SLC38A11: variants seen among roughly 807,000 people sequenced by gnomAD.
The protein encoded by SLC38A11 is solute carrier family 38 member 11.
A neutral mutation model predicts 49.4 loss-of-function variants in SLC38A11; 51 were observed. The ratio of observed to expected loss-of-function variants is 1.03; its 90% CI spans 0.83 to 1.30. SLC38A11 has a LOEUF of 1.30. SLC38A11 is among the 50% of genes most tolerant of loss of function. The pLI, the probability that SLC38A11 is intolerant of heterozygous loss-of-function variation, is 0.00. For synonymous variants in SLC38A11, 203 were observed against 192.9 expected, an observed-to-expected ratio of 1.05 and a Z score of -0.43; for missense variants, 574 against 556.2, an observed-to-expected ratio of 1.03 and a Z score of -0.32.
intron 9 of SLC38A11, among the ~76,000 whole-genome samples, chr2:164,913,269 G>T (rs1006112423): frequency 9.2e-5 from 14 of 151,886 alleles, no homozygotes; most frequent in African/African-American, 3.1e-4. Context: ...CTGCTTCAAG[G>T]TTGACTGAAA....
chr2:164,918,147 A>C (rs916336168), intron 7 of SLC38A11, among the ~76,000 whole-genome samples: 1 of 151,998 alleles, frequency 6.6e-6, no homozygotes, highest in Non-Finnish European at 1.5e-5. Flanking sequence ...AAACTTTGAT[A>C]CTCAACCTGG....
In SLC38A11 at chr2:164,939,529, C is replaced by T. The variant is rs914142729; in HGVS notation, c.458G>A (p.Arg153His). The T allele has an allele frequency of 2.5e-6, 4 of 1,608,848 alleles. No homozygotes were observed. Among genetic ancestry groups the T allele is most frequent in the African/African-American group, 1.3e-5 (1 of 74,820 alleles). ...TGTGGAAAGTCCAATAATGAAGTGG[C>T]GACCAATAAACACGTTTTCAGGATC... ...GVDPENVFIG[R>H]HFIIGLSTVT... Residue 153 changes from arginine to histidine, a missense_variant, in exon 6 of 12, where the codon CGC (arginine) becomes CAC (histidine). By Grantham distance (29) the Arg-to-His change is conservative. Coordinates refer to ENST00000685975, the MANE Select transcript of SLC38A11 (RefSeq NM_001351537.2).
intron 7 of SLC38A11, among the ~76,000 whole-genome samples, chr2:164,937,104 T>C (rs549028835): frequency 6.6e-6 from 1 of 152,316 alleles, no homozygotes; most frequent in African/African-American, 2.4e-5. Context: ...TCTAATTCTT[T>C]CTTACTCTAA....
intron 7 of SLC38A11, among the ~76,000 whole-genome samples, chr2:164,933,991 A>G (rs1369123743): frequency 6.6e-6 from 1 of 152,146 alleles, no homozygotes; most frequent in African/African-American, 2.4e-5. Flanking sequence ...ATATTGTATC[A>G]CTACTAGAGG....
intron 7 of SLC38A11, among the ~76,000 whole-genome samples, chr2:164,930,460 A>T (rs1411470811): frequency 1.3e-5 from 2 of 152,090 alleles, no homozygotes; most frequent in East Asian, 3.9e-4. Context: ...ACAAAAAAAA[A>T]ACTTCAGGCC....
At chr2:164,904,841 G>A (rs1166401593) in intron 11 of SLC38A11, among the ~76,000 whole-genome samples, 2 of 152,094 alleles carry the variant, frequency 1.3e-5, no homozygotes, top group Non-Finnish European at 2.9e-5. Context: ...AGTGGATAGA[G>A]AAATGAGCAT....
intron 5 of SLC38A11, among the ~76,000 whole-genome samples, chr2:164,942,359 C>CG (rs1423254396): frequency 6.9e-6 from 1 of 144,586 alleles, no homozygotes; most frequent in Non-Finnish European, 1.5e-5. Context: ...CACCTGAGCC[C>CG]GGGAGGTCAG....
chr2:164,904,591 T>G (rs1158749151), intron 11 of SLC38A11, among the ~76,000 whole-genome samples: 1 of 152,176 alleles, frequency 6.6e-6, no homozygotes, highest in Non-Finnish European at 1.5e-5. Context: ...TAAAAAAGAA[T>G]TCCTAAAGTA....
At chr2:164,926,703 G>A (rs529698902) in intron 7 of SLC38A11, among the ~76,000 whole-genome samples, 2 of 152,198 alleles carry the variant, frequency 1.3e-5, no homozygotes, top group Middle Eastern at 3.4e-3. Flanking sequence ...ATGAGTTCAT[G>A]TCCTTTGTAG....
At chr2:164,908,427 C>A (rs530039164) in intron 11 of SLC38A11, among the ~76,000 whole-genome samples, 90 of 152,240 alleles carry the variant, frequency 5.9e-4, no homozygotes, top group African/African-American at 1.9e-3. Context: ...GTTGTGACGA[C>A]CCCATATGTC....
chr2:164,940,228 TTATATA>T (rs5836006), intron 5 of SLC38A11, among the ~76,000 whole-genome samples: 153 of 142,220 alleles, frequency 1.1e-3, no homozygotes, highest in African/African-American at 1.6e-3. Flanking sequence ...ATAGAAAATT[TTATATA>T]TATATATATA....
rs1356661194 is a variant in SLC38A11 at position 164,908,734 on chromosome 2, G to A, written c.1001C>T (p.Ser334Leu). The A allele has an allele frequency of 7.5e-6, 12 of 1,610,704 alleles. No homozygotes were observed. The highest frequency in any genetic ancestry group is 2.2e-5 in the East Asian group (1 of 44,756). ...ANVFFGGNLS[S>L]VFHIVVTVMV... ...CACTGTTACAACAATGTGGAAAACCGATGAAAGATTCCCACCAAAAAACAC... is the reference window on the plus strand; with the variant it reads ...CACTGTTACAACAATGTGGAAAACCAATGAAAGATTCCCACCAAAAAACAC... The change falls in exon 11 of 12, where the codon TCG becomes TTG. Residue 334 changes from serine to leucine, a missense_variant. Coordinates refer to ENST00000685975, the MANE Select transcript of SLC38A11 (RefSeq NM_001351537.2).
intron 3 of SLC38A11, 44 bp downstream of exon 3, chr2:164,952,663 G>A (rs1688602373): frequency 1.6e-6 from 2 of 1,222,792 alleles, no homozygotes; most frequent in Middle Eastern, 1.9e-4. Context: ...TGTAGTTATT[G>A]CACAGTTGAA....
chr2:164,914,657 C>G lies in SLC38A11; in HGVS notation c.850+455G>C, dbSNP rs1219973000. 2.0e-5 allele frequency among the ~76,000 whole-genome samples: 3 copies of G among 150,342 alleles called. No homozygotes were observed. The East Asian group carries it at 5.8e-4, about 29-fold the overall frequency. On this transcript the variant is annotated intron_variant, in intron 9 of 11. Transcript: ENST00000685975. ...TTAGAGAGGGTAAAGAAAAAGAAAA[C>G]AGAAAAAAAATTAACAGAGAGAAAG... is the stretch of plus-strand genomic sequence containing the variant.
chr2:164,905,395 G>T (rs1344490682), intron 11 of SLC38A11, among the ~76,000 whole-genome samples: 1 of 152,130 alleles, frequency 6.6e-6, no homozygotes, highest in East Asian at 1.9e-4. Flanking sequence ...GCTTCTCAAA[G>T]TGCTGGGATT....
At position 164,945,668 on chromosome 2, in the gene SLC38A11, A is replaced by G. The variant is rs1688056937; in HGVS notation, c.289T>C (p.Ser97Pro). The G allele has an allele frequency of 6.2e-7, 1 of 1,612,222 alleles. No homozygotes were observed. Among genetic ancestry groups the G allele is most frequent in the South Asian group, 1.1e-5 (1 of 90,478 alleles). ...GALSGTDTYQ[S>P]LVNKTFGFPG... Reference sequence around the variant, plus strand: ...AAGCCGAAAGTTTTATTGACCAAAGACTGGTAGGTATCTGTTCCAGAGAGG... The same window carrying G: ...AAGCCGAAAGTTTTATTGACCAAAGGCTGGTAGGTATCTGTTCCAGAGAGG... Residue 97 changes from serine (S) to proline (P), a missense_variant, in exon 4 of 12, where the codon TCT (serine) becomes CCT (proline). Transcript: ENST00000685975.
chr2:164,921,338 A>G (rs1686188085), intron 7 of SLC38A11, among the ~76,000 whole-genome samples: 2 of 151,996 alleles, frequency 1.3e-5, no homozygotes, highest in South Asian at 2.1e-4. Context: ...ATTTTACTTT[A>G]TTTTATTTGT....
chr2:164,906,278 A>ATGTG (rs1275135778), intron 11 of SLC38A11, among the ~76,000 whole-genome samples: 3 of 152,238 alleles, frequency 2.0e-5, no homozygotes, highest in African/African-American at 7.2e-5. Context: ...TTATCTCCAC[A>ATGTG]GCATAGGTGA....
At position 164,915,230 on chromosome 2, in the gene SLC38A11, T is replaced by C; in HGVS notation, c.732A>G (p.Leu244=). 6.2e-7 allele frequency: 1 copy of C among 1,611,056 alleles called. No homozygotes were observed. The highest frequency in any genetic ancestry group is 8.5e-7 in the Non-Finnish European group (1 of 1,178,474). The change falls in exon 9 of 12, where the codon CTA becomes CTG. Residue 244 remains leucine (L), a synonymous_variant. Transcript: ENST00000685975. The part of the protein sequence containing the change: ...HHNSFLVYSS[L]EEPTVAKWSR... ...ACCACTTAGCTACTGTGGGTTCTTC[T>C]AGAGAACTGTAAACTAAGAAGGAGT... is the stretch of plus-strand genomic sequence containing the variant.
Sources: allele counts gnomAD v4.1 joint callset (sites outside exome capture counted in the v4.1 genomes callset), GRCh38; gene constraint gnomAD v4.1.1; transcripts MANE v1.5; gene names NCBI Gene and HGNC (gene_info 2026-07-23, HGNC 2026-07-21).